The following NYNRIN variants were observed in gnomAD, a reference collection of about 807,000 sequenced individuals.
NYNRIN encodes protein NYNRIN.
In NYNRIN, 86 loss-of-function variants were observed where a neutral mutation model predicts 146.6. The ratio of observed to expected loss-of-function variants is 0.59; its 90% CI spans 0.49 to 0.70. NYNRIN has a LOEUF of 0.70. Ranked by LOEUF, NYNRIN falls within the 30% of genes least tolerant of loss-of-function variation. The pLI is 0.00. For missense variants in NYNRIN, 2,191 were observed against 2,377.7 expected, an observed-to-expected ratio of 0.92 and a Z score of 1.63; for synonymous variants, 1,027 against 1,001.3, an observed-to-expected ratio of 1.03 and a Z score of -0.48.
chr14:24,408,010 C>G lies in NYNRIN; in HGVS notation c.340C>G (p.Pro114Ala), dbSNP rs1277310742. The G allele has an allele frequency of 6.2e-7, 1 of 1,613,894 alleles. No individual in the cohort carries two copies. The highest frequency in any genetic ancestry group is 1.3e-5 in the African/African-American group (1 of 74,926). Residue 114 changes from proline to alanine, a missense_variant, in exon 3 of 9, where the codon CCC (proline) becomes GCC (alanine). By Grantham distance (27) the Pro-to-Ala change is conservative (BLOSUM62 -1). This residue lies in a region of NYNRIN where 895 missense variants were observed against 941.2 expected (regional missense o/e 0.95). Transcript: ENST00000382554. ...CACCCTTGCCTACCTGGTGCCTGGC[C>G]CCCCTGGCTCCCTGATGGTGGGCGG... Reference protein sequence around the residue: ...WSTLAYLVPGPPGSLMVGGLT... With the variant: ...WSTLAYLVPGAPGSLMVGGLT...
Position 24,399,295 on chromosome 14 carries a change from C to T in NYNRIN, c.49C>T (p.Gln17Ter). The T allele has an allele frequency of 3.7e-6, 6 of 1,613,954 alleles. No homozygotes were observed. Among genetic ancestry groups the T allele is most frequent in the Non-Finnish European group, 4.2e-6 (5 of 1,179,868 alleles). ...DPPAQEWFMVQTKSKPRVQRQ... is the reference protein window; with the variant it reads ...DPPAQEWFMV ...TCCGGCGCAGGAATGGTTCATGGTG[C>T]AGACAAAATCGAAGCCTCGGGTGCA... The change falls in exon 2 of 9, where the codon CAG becomes TAG. Residue 17 changes from glutamine to a stop codon, truncating the protein, a stop_gained. Coordinates refer to ENST00000382554, the MANE Select transcript of NYNRIN (RefSeq NM_025081.3). LOFTEE classifies it high-confidence loss of function.
intron 4 of NYNRIN, among the ~76,000 whole-genome samples, chr14:24,410,611 C>T (rs2042906468): frequency 6.6e-6 from 1 of 152,240 alleles, no homozygotes; most frequent in Non-Finnish European, 1.5e-5. Flanking sequence ...CTTTTCCTGA[C>T]TCTGCTGGCC....
chr14:24,401,590 A>C (rs1357692364), intron 2 of NYNRIN, among the ~76,000 whole-genome samples: 1 of 152,170 alleles, frequency 6.6e-6, no homozygotes, highest in Non-Finnish European at 1.5e-5. Context: ...ATCAGATCAA[A>C]TAATTTATCC....
chr14:24,415,534 T>C lies in NYNRIN; in HGVS notation c.3785T>C (p.Val1262Ala). The C allele has an allele frequency of 1.2e-6, 2 of 1,613,880 alleles. No individual in the cohort carries two copies. The highest frequency in any genetic ancestry group is 1.7e-6 in the Non-Finnish European group (2 of 1,179,822). The change falls in exon 9 of 9, where the codon GTT (valine) becomes GCT (alanine). Residue 1262 changes from valine to alanine, a missense_variant. Val to Ala is a moderately conservative substitution (Grantham distance 64). Around this residue, in one of 3 missense-constraint regions of NYNRIN, gnomAD observed 1,291 missense variants for 1,417.0 expected, o/e 0.91. Coordinates refer to ENST00000382554, the MANE Select transcript of NYNRIN (RefSeq NM_025081.3). ...KAWLIRWSLL[V>A]QDKGKRALEL... ...TGGTTGATCCGATGGTCCCTCTTGG[T>C]TCAGGACAAAGGCAAGAGGGCCCTG...
chr14:24,416,965 C>G lies in NYNRIN; in HGVS notation c.5216C>G (p.Ala1739Gly). Residue 1739 changes from alanine (A) to glycine (G), a missense_variant, in exon 9 of 9, where the codon GCC (alanine) becomes GGC (glycine). Ala to Gly is a moderately conservative substitution (Grantham distance 60). Around this residue, in one of 3 missense-constraint regions of NYNRIN, gnomAD observed 1,291 missense variants for 1,417.0 expected, o/e 0.91. Coordinates refer to ENST00000382554, the MANE Select transcript of NYNRIN (RefSeq NM_025081.3). ...FIFLHGKKWAASLPLLHLAFR... is the reference protein window; with the variant it reads ...FIFLHGKKWAGSLPLLHLAFR... ...TTCCTGCATGGGAAGAAGTGGGCGG[C>G]CTCCCTGCCTTTGCTGCACCTGGCC... 2 of 1,583,644 alleles carry G rather than the reference C, an allele frequency of 1.3e-6. No homozygotes were observed. The highest frequency in any genetic ancestry group is 2.3e-5 in the South Asian group (2 of 86,674).
chr14:24,399,907 C>T (rs1327321943), intron 2 of NYNRIN, among the ~76,000 whole-genome samples: 2 of 152,196 alleles, frequency 1.3e-5, no homozygotes, highest in Non-Finnish European at 2.9e-5. Context: ...TGGGCTGCCC[C>T]TTGGAGCCTC....
chr14:24,417,091 T>C lies in NYNRIN; in HGVS notation c.5342T>C (p.Ile1781Thr), dbSNP rs2042953340. Reference sequence around the variant, plus strand: ...TGGTGGGAGATGAGCAGCGCAAACATTGAAGGGCTCAAGATGGACGTCTTC... The same window carrying C: ...TGGTGGGAGATGAGCAGCGCAAACACTGAAGGGCTCAAGATGGACGTCTTC... ...PLWWEMSSAN[I>T]EGLKMDVFLL... The change falls in exon 9 of 9, where the codon ATT becomes ACT. Residue 1781 changes from isoleucine (I) to threonine (T), a missense_variant. Physicochemically the swap from Ile to Thr is moderately conservative, Grantham distance 89. This residue lies in a region of NYNRIN where 1,291 missense variants were observed against 1,417.0 expected (regional missense o/e 0.91). Transcript: ENST00000382554. The C allele has an allele frequency of 6.2e-7, 1 of 1,613,496 alleles. No homozygotes were observed. The highest frequency in any genetic ancestry group is 8.5e-7 in the Non-Finnish European group (1 of 1,179,666).
At chr14:24,414,107 G>C (rs1314546722) in intron 8 of NYNRIN, among the ~76,000 whole-genome samples, 1 of 152,200 alleles carries the variant, frequency 6.6e-6, no homozygotes, top group African/African-American at 2.4e-5. Flanking sequence ...CCTTTGTCAG[G>C]ATCTTCTGGG....
chr14:24,403,068 C>G (rs149139010), intron 2 of NYNRIN, among the ~76,000 whole-genome samples: 5 of 152,330 alleles, frequency 3.3e-5, no homozygotes, highest in Admixed American at 3.3e-4. Flanking sequence ...CCTTTCACGG[C>G]CAGCCCCTCT....
At position 24,409,995 on chromosome 14, in the gene NYNRIN, G is replaced by A; in HGVS notation, c.2201G>A (p.Ser734Asn). 1 of 1,613,812 alleles carries A rather than the reference G, an allele frequency of 6.2e-7. No homozygotes were observed. Among genetic ancestry groups the A allele is most frequent in the Non-Finnish European group, 8.5e-7 (1 of 1,179,788 alleles). The stretch of plus-strand genomic sequence containing the variant: ...CAGTCCAGTGGCACCTTGGCCCTCA[G>A]CAGTAAGCACCAGTTTCAGATGGAG... ...GPQSSGTLAL[S>N]SKHQFQMEGL... Residue 734 changes from serine to asparagine, a missense_variant, in exon 4 of 9, where the codon AGC becomes AAC. By Grantham distance (46) the Ser-to-Asn change is conservative (BLOSUM62 1). Coordinates refer to ENST00000382554, the MANE Select transcript of NYNRIN (RefSeq NM_025081.3).
Position 24,411,795 on chromosome 14 carries a change from G to A in NYNRIN, c.2642+345G>A, listed in dbSNP as rs572044164. Among the ~76,000 whole-genome samples, 1 of 152,328 alleles carries A rather than the reference G, an allele frequency of 6.6e-6. No homozygotes were observed. Among genetic ancestry groups the A allele is most frequent in the East Asian group, 1.9e-4 (1 of 5,182 alleles). ...GTTTCGGTTGAGGCTCATGTCTCCA[G>A]ACTGCTTTAGTCTTTTCCTCCCTCG... On this transcript the variant is annotated intron_variant, in intron 6 of 8. Transcript: ENST00000382554. This position sits in a 1 kb window ranked among gnomAD's most constrained non-coding sequence, Gnocchi z 4.3.
intron 2 of NYNRIN, among the ~76,000 whole-genome samples, chr14:24,400,191 G>A (rs1246389061): frequency 6.6e-6 from 1 of 152,160 alleles, no homozygotes; most frequent in Non-Finnish European, 1.5e-5. Context: ...TGGGAGGAGG[G>A]CTATGGGTTT....
At chr14:24,406,201 A>AAAAATAAAATAAAATAAAAT (rs71119077) in intron 2 of NYNRIN, among the ~76,000 whole-genome samples, 5,764 of 127,826 alleles carry the variant, frequency 0.045, 285 homozygotes, top group Middle Eastern at 0.074. Flanking sequence ...CTCTGCCTCA[A>AAAAATAAAATAAAATAAAAT]AAAATAAAAT....
In NYNRIN at chr14:24,409,584, C is replaced by G. The variant is rs201954983; in HGVS notation, c.1790C>G (p.Ala597Gly). The change falls in exon 4 of 9, where the codon GCT becomes GGT. Residue 597 changes from alanine to glycine, a missense_variant. Ala to Gly is a moderately conservative substitution (Grantham distance 60). Transcript: ENST00000382554. ...CCTTTGGCTCCAACAAAGCCAACAGCTCAACTGATGGCCACAGCTCAAAAA... is the reference window on the plus strand; with the variant it reads ...CCTTTGGCTCCAACAAAGCCAACAGGTCAACTGATGGCCACAGCTCAAAAA... The part of the protein sequence containing the change: ...EVPLAPTKPT[A>G]QLMATAQKTV... 4.5e-5 allele frequency: 72 copies of G among 1,610,410 alleles called. No homozygotes were observed. In the African/African-American group the frequency reaches 8.1e-4, roughly 18 times the overall value.
chr14:24,407,422 A>G (rs114149989), intron 2 of NYNRIN, among the ~76,000 whole-genome samples: 2,533 of 152,300 alleles, frequency 0.017, 68 homozygotes, highest in African/African-American at 0.057. Flanking sequence ...TTCCTAGCTT[A>G]TGGAGGGTGC....
At chr14:24,399,806 A>G (rs762484317) in intron 2 of NYNRIN, among the ~76,000 whole-genome samples, 28 of 152,098 alleles carry the variant, frequency 1.8e-4, no homozygotes, top group Non-Finnish European at 3.1e-4. Context: ...AAGGCGCTGT[A>G]TTTCTGTGGC....
rs1055020241 is a variant in NYNRIN, at chr14:24,409,747, T to C, written c.1953T>C (p.Ala651=). The C allele has an allele frequency of 6.2e-7, 1 of 1,610,428 alleles. No homozygotes were observed. Among genetic ancestry groups the C allele is most frequent in the Non-Finnish European group, 8.5e-7 (1 of 1,178,338 alleles). Residue 651 remains alanine (A), a synonymous_variant, in exon 4 of 9, where the codon GCT becomes GCC. Transcript: ENST00000382554. Reference sequence around the variant, plus strand: ...CCAAAGCTCAAGCCGGGCCTGCAGCTACAGTTTCCAAAGCACCTGCAGCTT... The same window carrying C: ...CCAAAGCTCAAGCCGGGCCTGCAGCCACAGTTTCCAAAGCACCTGCAGCTT... ...KTPKAQAGPA[A]TVSKAPAASK...
At chr14:24,401,081 G>A (rs1032262414) in intron 2 of NYNRIN, among the ~76,000 whole-genome samples, 1 of 152,170 alleles carries the variant, frequency 6.6e-6, no homozygotes, top group East Asian at 1.9e-4. Context: ...GAACCACTGT[G>A]CCGGGCCAGG....
rs377260028 is a variant in NYNRIN, at chr14:24,408,877, G to A, written c.1083G>A (p.Pro361=). The A allele has an allele frequency of 3.6e-5, 58 of 1,613,942 alleles. 2 individuals are homozygous for A. Among genetic ancestry groups the A allele is most frequent in the South Asian group, 3.2e-4 (29 of 91,056 alleles). ...GGCCAGCCTTTGGGCCATTGTGGCC[G>A]GGGGCTATTGCTGCAACCTTCTGGA... ...TPGPAFGPLW[P]GAIAATFWRI... is the part of the protein sequence containing the mutation. Residue 361 remains proline, a synonymous_variant, in exon 4 of 9, where the codon CCG becomes CCA. Coordinates refer to ENST00000382554, the MANE Select transcript of NYNRIN (RefSeq NM_025081.3).
Sources: allele counts gnomAD v4.1 joint callset (sites outside exome capture counted in the v4.1 genomes callset), GRCh38; gene constraint gnomAD v4.1.1; regional missense constraint gnomAD v4.1.1; non-coding constraint Gnocchi (gnomAD v3.1); transcripts MANE v1.5; gene names NCBI Gene and HGNC (gene_info 2026-07-23, HGNC 2026-07-21).